Variants in AHRR observed in about 807,000 individuals in gnomAD.
AHRR encodes the protein ahR repressor.
A neutral mutation model predicts 44.0 loss-of-function variants in AHRR; 28 were observed. The ratio of observed to expected loss-of-function variants is 0.64; its 90% confidence interval spans 0.47 to 0.87. The LOEUF (loss-of-function observed/expected upper bound fraction) is 0.87. AHRR is among the 40% of genes least tolerant of loss of function. AHRR has a pLI of 0.00. For synonymous variants in AHRR, 434 were observed against 407.0 expected, an observed-to-expected ratio of 1.07 and a Z score of -0.80; for missense variants, 990 against 953.9, an observed-to-expected ratio of 1.04 and a Z score of -0.50.
intron 4 of AHRR, among the ~76,000 whole-genome samples, chr5:379,028 C>T (rs1188739746): frequency 6.6e-6 from 1 of 152,254 alleles, no homozygotes; most frequent in Non-Finnish European, 1.5e-5. Flanking sequence ...CATTTCTCCT[C>T]TGCTGCTGTT....
At chr5:359,714 TCCTGGAGCC>T (rs1743108363) in intron 3 of AHRR, among the ~76,000 whole-genome samples, 1 of 151,976 alleles carries the variant, frequency 6.6e-6, no homozygotes, top group Admixed American at 6.6e-5. Flanking sequence ...CCTGTGTCCA[TCCTGGAGCC>T]CCTCCTGGGG....
At chr5:378,834 C>T (rs1733856138) in intron 4 of AHRR, among the ~76,000 whole-genome samples, 1 of 152,210 alleles carries the variant, frequency 6.6e-6, no homozygotes, top group African/African-American at 2.4e-5. Context: ...TGTGGCCTGT[C>T]TCGGGCTAGG....
intron 5 of AHRR, among the ~76,000 whole-genome samples, chr5:413,636 C>T (rs1233598983): frequency 6.6e-6 from 1 of 152,166 alleles, no homozygotes; most frequent in African/African-American, 2.4e-5. Context: ...CGGCAAGAGG[C>T]TTCTCAGTGT....
At position 422,846 on chromosome 5, in the gene AHRR, C is replaced by A. The variant is rs1301530297; in HGVS notation, c.559C>A (p.Pro187Thr). The change falls in exon 6 of 11, where the codon CCC becomes ACC. Residue 187 changes from proline to threonine, a missense_variant. Transcript: ENST00000684583. The part of the protein sequence containing the change: ...PPQVVFGQPP[P>T]LETGDDAILG... ...CCAGGTGGTGTTTGGGCAGCCCCCG[C>A]CCTTGGAGACAGGTGGGTGTCTGGG... 1.9e-6 allele frequency: 3 copies of A among 1,611,390 alleles called. No individual in the cohort carries two copies. The East Asian group carries it at 6.7e-5, about 36-fold the overall frequency.
rs1735460968 is a variant in AHRR, at chr5:411,350, G to A, written c.352-1994G>A. ...GTGTCCTCATTATGATGCAATTTTG[G>A]GTCTGTGTAGCTGCACCTGTTCTTA... On this transcript the variant is annotated intron_variant, in intron 4 of 10. Coordinates refer to ENST00000684583, the MANE Select transcript of AHRR (RefSeq NM_001377236.1). This position sits in a 1 kb window ranked among gnomAD's most constrained non-coding sequence, Gnocchi z 4.2. 6.6e-6 allele frequency among the ~76,000 whole-genome samples: 1 copy of A among 151,682 alleles called. No homozygotes were observed. The highest frequency in any genetic ancestry group is 1.5e-5 in the Non-Finnish European group (1 of 67,960).
At chr5:417,817 T>C (rs1193946666) in intron 5 of AHRR, among the ~76,000 whole-genome samples, 1 of 152,196 alleles carries the variant, frequency 6.6e-6, no homozygotes, top group Non-Finnish European at 1.5e-5. Context: ...ATGCAAAATA[T>C]CTCATGAAAA....
chr5:367,087 C>G (rs1045350995), intron 3 of AHRR, among the ~76,000 whole-genome samples: 1 of 152,238 alleles, frequency 6.6e-6, no homozygotes, highest in Non-Finnish European at 1.5e-5. Flanking sequence ...AGTTTGATAT[C>G]ATCTCAAAGC....
intron 5 of AHRR, among the ~76,000 whole-genome samples, chr5:420,593 G>A (rs1736032165): frequency 6.6e-6 from 1 of 152,236 alleles, no homozygotes; most frequent in African/African-American, 2.4e-5. Context: ...ACAGGGCAGA[G>A]CTAGACCCAT....
intron 4 of AHRR, among the ~76,000 whole-genome samples, chr5:400,374 T>G (rs1366904894): frequency 6.6e-6 from 1 of 152,076 alleles, no homozygotes; most frequent in East Asian, 1.9e-4. Flanking sequence ...AGCCCTCACC[T>G]GCCTCGGCCC....
At chr5:420,704 C>A (rs1736040944) in intron 5 of AHRR, among the ~76,000 whole-genome samples, 2 of 152,184 alleles carry the variant, frequency 1.3e-5, no homozygotes, top group South Asian at 4.1e-4. Context: ...AGCGGGGACA[C>A]CTTGCATGGA....
At position 427,997 on chromosome 5, in the gene AHRR, C is replaced by A. The variant is rs527453593; in HGVS notation, c.899C>A (p.Ala300Glu). Residue 300 changes from alanine to glutamate, a missense_variant, in exon 8 of 11, where the codon GCG becomes GAG. By Grantham distance (107) the Ala-to-Glu change is moderately radical. Transcript: ENST00000684583. ...AKPRADTAAT[A>E]DAKVKATTSL... is the part of the protein sequence containing the mutation. ...CCCAGAGCAGACACCGCAGCCACCG[C>A]GGATGCAAAGTGAGTAAGACTCGCC... is the stretch of plus-strand genomic sequence containing the variant. 1 of 1,613,814 alleles carries A rather than the reference C, an allele frequency of 6.2e-7. No individual in the cohort carries two copies. Among genetic ancestry groups the A allele is most frequent in the South Asian group, 1.1e-5 (1 of 91,038 alleles).
rs553946691 is a variant in AHRR at position 388,323 on chromosome 5, C to A, written c.351+11607C>A. Among the ~76,000 whole-genome samples the A allele has an allele frequency of 6.6e-6, 1 of 152,236 alleles. No homozygotes were observed. Among genetic ancestry groups the A allele is most frequent in the Admixed American group, 6.5e-5 (1 of 15,286 alleles). ...TCGTACACAGGGCTCAGTGCGACTG[C>A]GCCTGGGGCTGCCCCAAGACTGTGA... On this transcript the variant is annotated intron_variant, in intron 4 of 10. Coordinates refer to ENST00000684583, the MANE Select transcript of AHRR (RefSeq NM_001377236.1). This position sits in a 1 kb window ranked among gnomAD's most constrained non-coding sequence, Gnocchi z 5.2.
chr5:427,752 C>T (rs1010599195), intron 7 of AHRR, 55 bp from the exon 8 acceptor site: 2 of 1,611,850 alleles, frequency 1.2e-6, no homozygotes, highest in Admixed American at 3.3e-5. Context: ...GTCCTGTGAC[C>T]ACCTTGCCAG....
rs995611329 is a variant in AHRR at position 342,316 on chromosome 5, TG to T, written c.-10-1576del. Among the ~76,000 whole-genome samples, 2 of 152,378 alleles carry T rather than the reference TG, an allele frequency of 1.3e-5. No homozygotes were observed. The highest frequency in any genetic ancestry group is 3.9e-4 in the East Asian group (2 of 5,186). On this transcript the variant is annotated intron_variant, in intron 1 of 10. Coordinates refer to ENST00000684583, the MANE Select transcript of AHRR (RefSeq NM_001377236.1). The surrounding 1 kb of genome is among the most constrained non-coding windows in gnomAD (Gnocchi z 4.3). ...TATCCTTTTTGATTTTATTAGTTTT[TG>T]CTTCATGTGTTTTGAAGCTCCATTG...
chr5:333,919 G>T (rs1742027438), intron 1 of AHRR, among the ~76,000 whole-genome samples: 1 of 152,152 alleles, frequency 6.6e-6, no homozygotes, highest in Non-Finnish European at 1.5e-5. Flanking sequence ...TAGTGGTGAT[G>T]AATTCCCTCA....
intron 3 of AHRR, among the ~76,000 whole-genome samples, chr5:375,954 G>T (rs1244643539): frequency 6.6e-6 from 1 of 152,228 alleles, no homozygotes; most frequent in Non-Finnish European, 1.5e-5. Context: ...GGGGCTGTGC[G>T]CAGTCACTGG....
chr5:430,955 A>C (rs1736695711), intron 8 of AHRR, among the ~76,000 whole-genome samples: 1 of 151,896 alleles, frequency 6.6e-6, no homozygotes, highest in Non-Finnish European at 1.5e-5. Flanking sequence ...AGGTGCACAG[A>C]AAAGGACCTG....
At chr5:348,746 G>C (rs1169220694) in intron 2 of AHRR, among the ~76,000 whole-genome samples, 3 of 152,372 alleles carry the variant, frequency 2.0e-5, no homozygotes, top group African/African-American at 7.2e-5. Flanking sequence ...TTATTTACCT[G>C]TGGATGGAAG....
chr5:332,247 G>GAAAA (rs1166602841), intron 1 of AHRR, among the ~76,000 whole-genome samples: 12 of 139,400 alleles, frequency 8.6e-5, no homozygotes, highest in African/African-American at 3.1e-4. Context: ...AAAGAAGAAA[G>GAAAA]AAAAATCTGT....
Sources: allele counts gnomAD v4.1 joint callset (sites outside exome capture counted in the v4.1 genomes callset), GRCh38; gene constraint gnomAD v4.1.1; non-coding constraint Gnocchi (gnomAD v3.1); transcripts MANE v1.5; gene names NCBI Gene and HGNC (gene_info 2026-07-23, HGNC 2026-07-21).